The following BMP5 variants were observed in gnomAD, a reference collection of about 807,000 sequenced individuals.
BMP5 encodes bone morphogenetic protein 5.
A neutral mutation model predicts 46.6 loss-of-function variants in BMP5; 23 were observed. That is an observed-to-expected ratio of 0.49 (90% CI 0.35 to 0.70). The LOEUF (loss-of-function observed/expected upper bound fraction) is 0.70, where lower values mean the gene tolerates loss of function less well. BMP5 is among the 30% of genes least tolerant of loss of function. The pLI is 0.00. For missense variants in BMP5, 545 were observed against 565.6 expected (o/e 0.96, Z 0.37); for synonymous variants, 204 against 191.9 (o/e 1.06, Z -0.52).
chr6:55,754,588 T>C lies in BMP5; in HGVS notation c.*945A>G, dbSNP rs573442418. ...TCACATCAATCAGCAAACTCAGTTA[T>C]AAAGGAGAGCTAAAGAAAATGGTTC... On this transcript the variant is annotated 3_prime_UTR_variant, in exon 7 of 7. Transcript: ENST00000370830. The C allele has an allele frequency of 6.6e-6, 1 of 152,106 alleles. No homozygotes were observed. Among genetic ancestry groups the C allele is most frequent in the South Asian group, 2.1e-4 (1 of 4,834 alleles). 9.4% of individuals were successfully genotyped at this position (152,106 alleles called of 1,614,324 possible). A position where few individuals can be genotyped will look rare whatever the true frequency, so the allele number is the denominator to read the frequency against.
chr6:55,864,929 G>A (rs972317434), intron 1 of BMP5, among the ~76,000 whole-genome samples: 7 of 151,040 alleles, frequency 4.6e-5, no homozygotes, highest in East Asian at 1.9e-4. Flanking sequence ...CAAACAAATC[G>A]TCGAGGAAAG....
chr6:55,821,078 C>A (rs1304212940), intron 1 of BMP5, among the ~76,000 whole-genome samples: 1 of 152,006 alleles, frequency 6.6e-6, no homozygotes, highest in Admixed American at 6.6e-5. Context: ...ATATATGAAA[C>A]TTAGGATCCT....
intron 5 of BMP5, 30 bp from the exon 6 acceptor site, chr6:55,759,145 A>AAAAAAAAAAAAAAAAC: frequency 7.5e-6 from 1 of 133,424 alleles, no homozygotes; most frequent in Non-Finnish European, 1.3e-5. Flanking sequence ...ACACACACAC[A>AAAAAAAAAAAAAAAAC]AAAAAAAAAA....
At chr6:55,859,941 G>T (rs916324487) in intron 1 of BMP5, among the ~76,000 whole-genome samples, 3 of 152,168 alleles carry the variant, frequency 2.0e-5, no homozygotes, top group Non-Finnish European at 2.9e-5. Context: ...TCTTTGCATA[G>T]TTCAAATTTA....
intron 3 of BMP5, among the ~76,000 whole-genome samples, chr6:55,776,573 C>A (rs530357153): frequency 6.6e-6 from 1 of 150,910 alleles, no homozygotes; most frequent in South Asian, 2.1e-4. Context: ...TTTGACGAAG[C>A]TTTTATTTTG....
chr6:55,817,595 T>G (rs1582090164), intron 2 of BMP5, among the ~76,000 whole-genome samples: 1 of 151,302 alleles, frequency 6.6e-6, no homozygotes, highest in South Asian at 2.1e-4. Flanking sequence ...CACTGGGGAC[T>G]GTTGTGGGGT....
chr6:55,818,463 A>G (rs1341052132), intron 2 of BMP5, among the ~76,000 whole-genome samples: 1 of 152,146 alleles, frequency 6.6e-6, no homozygotes. Context: ...AAGATAAACT[A>G]TTAGTCTCAA....
At chr6:55,857,932 T>C (rs1378581035) in intron 1 of BMP5, among the ~76,000 whole-genome samples, 3 of 152,016 alleles carry the variant, frequency 2.0e-5, no homozygotes, top group African/African-American at 7.2e-5. Context: ...GAGACAGGGT[T>C]TCACCATGCT....
At chr6:55,853,132 A>G (rs913977955) in intron 1 of BMP5, among the ~76,000 whole-genome samples, 4 of 144,816 alleles carry the variant, frequency 2.8e-5, no homozygotes, top group African/African-American at 7.7e-5. Context: ...CTACATCTCA[A>G]ATACATAAAT....
chr6:55,794,359 T>C lies in BMP5; in HGVS notation c.752A>G (p.Asp251Gly). The C allele has an allele frequency of 1.2e-6, 2 of 1,614,010 alleles. No individual in the cohort carries two copies. Among genetic ancestry groups the C allele is most frequent in the Non-Finnish European group, 1.7e-6 (2 of 1,179,900 alleles). The change falls in exon 3 of 7, where the codon GAT (aspartate) becomes GGT (glycine). Residue 251 changes from aspartate to glycine, a missense_variant. Transcript: ENST00000370830. ...CCAATGATTGCTGGTCACAGTGATA[T>C]CAAAGACAAGCCAACCCACATCTAA... The part of the protein sequence containing the change: ...QALDVGWLVF[D>G]ITVTSNHWVI...
chr6:55,758,594 A>G (rs1774674178), intron 6 of BMP5, among the ~76,000 whole-genome samples: 1 of 151,982 alleles, frequency 6.6e-6, no homozygotes, highest in African/African-American at 2.4e-5. Context: ...ATACCAAAGT[A>G]TGTTATAGAA....
Position 55,874,671 on chromosome 6 carries a change from G to A in BMP5, c.195C>T (p.Pro65=), listed in dbSNP as rs887248630. Residue 65 remains proline, a synonymous_variant, in exon 1 of 7, where the codon CCC becomes CCT. Transcript: ENST00000370830. ...ILSILGLPHR[P]RPFSPGKQAS... ...CTTGTTTTCCAGGTGAAAATGGTCTGGGTCTGTGAGGCAAACCCAAGATAG... is the reference window on the plus strand; with the variant it reads ...CTTGTTTTCCAGGTGAAAATGGTCTAGGTCTGTGAGGCAAACCCAAGATAG... 1 of 1,613,500 alleles carries A rather than the reference G, an allele frequency of 6.2e-7. No individual in the cohort carries two copies. Among genetic ancestry groups the A allele is most frequent in the African/African-American group, 1.3e-5 (1 of 74,866 alleles).
At chr6:55,774,288 C>A (rs1386999664) in intron 3 of BMP5, 45 bp from the exon 4 acceptor site, 1 of 1,558,332 alleles carries the variant, frequency 6.4e-7, no homozygotes, top group African/African-American at 1.4e-5. Context: ...AAAGAAAGAA[C>A]AATTACCTGA....
At chr6:55,769,655 C>A (rs1040128063) in intron 4 of BMP5, among the ~76,000 whole-genome samples, 2 of 151,802 alleles carry the variant, frequency 1.3e-5, no homozygotes, top group Non-Finnish European at 2.9e-5. Context: ...AATGGTGAAT[C>A]CTTTCCAGAA....
intron 3 of BMP5, among the ~76,000 whole-genome samples, chr6:55,787,298 G>A (rs534658370): frequency 6.6e-6 from 1 of 151,748 alleles, no homozygotes; most frequent in African/African-American, 2.4e-5. Flanking sequence ...CTAAATTTAA[G>A]TAGATATTAT....
At chr6:55,810,115 A>G (rs1776093398) in intron 2 of BMP5, among the ~76,000 whole-genome samples, 1 of 152,162 alleles carries the variant, frequency 6.6e-6, no homozygotes, top group Non-Finnish European at 1.5e-5. Flanking sequence ...AGCAGCTTTT[A>G]GCTTATATGG....
chr6:55,764,441 C>T (rs1774868638), intron 4 of BMP5, among the ~76,000 whole-genome samples: 1 of 151,824 alleles, frequency 6.6e-6, no homozygotes, highest in South Asian at 2.1e-4. Flanking sequence ...GGCGTAGTGG[C>T]GGACGCCTGT....
chr6:55,801,516 A>G lies in BMP5; in HGVS notation c.684-7089T>C, dbSNP rs115378271. ...TTCTGTTTTGTCCTTGTTTCCCCCA[A>G]TGCATCTTTCCTTTCTGACTCTGTC... On this transcript the variant is annotated intron_variant, in intron 2 of 6. Transcript: ENST00000370830. 3.6e-3 allele frequency among the ~76,000 whole-genome samples: 546 copies of G among 152,264 alleles called. 5 individuals are homozygous for G. Among genetic ancestry groups the G allele is most frequent in the African/African-American group, 0.012 (515 of 41,564 alleles).
At chr6:55,834,023 T>G (rs1471782567) in intron 1 of BMP5, among the ~76,000 whole-genome samples, 2 of 152,134 alleles carry the variant, frequency 1.3e-5, no homozygotes, top group African/African-American at 4.8e-5. Context: ...GTCTATTGAA[T>G]GATTATCATT....
Sources: allele counts gnomAD v4.1 joint callset (sites outside exome capture counted in the v4.1 genomes callset), GRCh38; gene constraint gnomAD v4.1.1; transcripts MANE v1.5; gene names NCBI Gene and HGNC (gene_info 2026-07-23, HGNC 2026-07-21).